RYR3: variants seen among roughly 807,000 people sequenced by gnomAD.
The protein encoded by RYR3 is ryanodine receptor 3.
Under a neutral mutation model 584.3 loss-of-function variants are expected in RYR3, and 207 were observed. The observed-to-expected ratio is 0.35, with a 90% CI of 0.32 to 0.40. The LOEUF is 0.40. RYR3 is among the 10% of genes least tolerant of loss of function. The pLI is 1.00. For missense variants in RYR3, 5,616 were observed against 6,089.2 expected (o/e 0.92, Z 2.59); for synonymous variants, 2,416 against 2,248.5 (o/e 1.07, Z -2.11).
chr15:33,491,921 G>T (rs925294660), intron 2 of RYR3, among the ~76,000 whole-genome samples: 3 of 152,156 alleles, frequency 2.0e-5, no homozygotes, highest in Non-Finnish European at 4.4e-5. Flanking sequence ...GGAAAGATTT[G>T]GGGAGAAGGA....
chr15:33,789,162 A>G (rs2074932401), intron 67 of RYR3, among the ~76,000 whole-genome samples: 1 of 151,338 alleles, frequency 6.6e-6, no homozygotes, highest in South Asian at 2.1e-4. Context: ...TAGCTGAAGC[A>G]GAGGGAGGGG....
chr15:33,591,714 C>A lies in RYR3; in HGVS notation c.1788+5598C>A, dbSNP rs118040752. Among the ~76,000 whole-genome samples the A allele has an allele frequency of 1.9e-3, 290 of 152,222 alleles. 2 individuals carry two copies. Among genetic ancestry groups the A allele is most frequent in the African/African-American group, 6.6e-3 (275 of 41,546 alleles). ...ATAGATAAATATTTTTTATTATCTT[C>A]TTTGTTTTGCAAGGATTTGGGTCTA... On this transcript the variant is annotated intron_variant, in intron 16 of 103. Transcript: ENST00000634891.
chr15:33,435,847 C>T (rs2045671080), intron 1 of RYR3, among the ~76,000 whole-genome samples: 1 of 152,208 alleles, frequency 6.6e-6, no homozygotes, highest in Non-Finnish European at 1.5e-5. Context: ...CAGAACAAAG[C>T]TTCCACAGCG....
Position 33,785,999 on chromosome 15 carries a change from C to T in RYR3, c.9589+17C>T. 1 of 1,518,462 alleles carries T rather than the reference C, an allele frequency of 6.6e-7. No individual in the cohort carries two copies. The highest frequency in any genetic ancestry group is 2.3e-5 in the East Asian group (1 of 43,794). 94.1% of individuals were successfully genotyped at this position (1,518,462 alleles called of 1,614,324 possible). A position where few individuals can be genotyped will look rare whatever the true frequency, so the allele number is the denominator to read the frequency against. On this transcript the variant is annotated intron_variant, in intron 66 of 103. Transcript: ENST00000634891. The stretch of plus-strand genomic sequence containing the variant: ...GCATTGCAGGTACCGACCCCTTTCT[C>T]CCCAGTCCCCAGCCCAGGGGCCAAG...
At chr15:33,613,440 CT>C in intron 19 of RYR3, 65 bp downstream of exon 19, 4 of 1,482,158 alleles carry the variant, frequency 2.7e-6, no homozygotes, top group Non-Finnish European at 3.6e-6. Context: ...CCACTGTGAG[CT>C]GCGAAGCCAG....
chr15:33,355,856 A>G (rs1479022153), intron 1 of RYR3, among the ~76,000 whole-genome samples: 1 of 152,222 alleles, frequency 6.6e-6, no homozygotes, highest in Admixed American at 6.5e-5. Flanking sequence ...GGTTCCCGCC[A>G]CACAATTCAG....
At position 33,845,095 on chromosome 15, in the gene RYR3, C is replaced by G. The variant is rs190544795; in HGVS notation, c.13497+33C>G. On this transcript the variant is annotated intron_variant, in intron 93 of 103. Transcript: ENST00000634891. ...GTTTGCCACTCTGGATCTAATCTCA[C>G]TCCTTGAGGAAGAAATGTCCTTTTT... 10 of 1,603,886 alleles carry G rather than the reference C, an allele frequency of 6.2e-6. No individual in the cohort carries two copies. In the East Asian group the frequency reaches 2.2e-4, roughly 36 times the overall value.
At chr15:33,687,812 A>T (rs1330655977) in intron 38 of RYR3, among the ~76,000 whole-genome samples, 2 of 152,284 alleles carry the variant, frequency 1.3e-5, no homozygotes, top group East Asian at 3.9e-4. Flanking sequence ...GGAAATGGGG[A>T]AAGGATTCCC....
intron 16 of RYR3, among the ~76,000 whole-genome samples, chr15:33,587,517 C>T (rs1330305244): frequency 1.3e-5 from 2 of 152,206 alleles, no homozygotes; most frequent in African/African-American, 4.8e-5. Context: ...GATTACTATT[C>T]TACCCATTCC....
At position 33,838,952 on chromosome 15, in the gene RYR3, A is replaced by G; in HGVS notation, c.12972A>G (p.Lys4324=). 6.2e-7 allele frequency: 1 copy of G among 1,604,364 alleles called. No homozygotes were observed. Among genetic ancestry groups the G allele is most frequent in the Non-Finnish European group, 8.5e-7 (1 of 1,176,206 alleles). Residue 4324 remains lysine (K), a synonymous_variant, in exon 89 of 104, where the codon AAA becomes AAG. Coordinates refer to ENST00000634891, the MANE Select transcript of RYR3 (RefSeq NM_001036.6). ...AGAGTACTGTACAGAAGAAGAGGAA[A>G]GCTCAGGTAAGTGTCATTTGTTTCT... ...TLESTVQKKR[K]AQAAEMKAAN...
chr15:33,570,074 T>A (rs1432128070), intron 12 of RYR3, among the ~76,000 whole-genome samples: 3 of 152,134 alleles, frequency 2.0e-5, no homozygotes, highest in African/African-American at 7.2e-5. Flanking sequence ...CACAAACGTT[T>A]TAATTTTTGA....
intron 93 of RYR3, among the ~76,000 whole-genome samples, chr15:33,847,786 CTTCTCA>C (rs1257063331): frequency 2.0e-5 from 3 of 152,220 alleles, no homozygotes; most frequent in Non-Finnish European, 4.4e-5. Flanking sequence ...AAGACTGAAT[CTTCTCA>C]TTCTAACTAT....
At chr15:33,414,643 C>T (rs1249200087) in intron 1 of RYR3, among the ~76,000 whole-genome samples, 1 of 152,112 alleles carries the variant, frequency 6.6e-6, no homozygotes, top group Non-Finnish European at 1.5e-5. Context: ...CTCGCTCTGT[C>T]GCCCAGGCTG....
chr15:33,511,717 T>C (rs948473297), intron 3 of RYR3, among the ~76,000 whole-genome samples: 1 of 152,202 alleles, frequency 6.6e-6, no homozygotes, highest in Non-Finnish European at 1.5e-5. Context: ...GCTCTCCAAT[T>C]AGAATGACTT....
At chr15:33,573,121 C>CTCTT (rs1444780803) in intron 12 of RYR3, among the ~76,000 whole-genome samples, 1 of 86,576 alleles carries the variant, frequency 1.2e-5, no homozygotes, top group African/African-American at 3.0e-5. Context: ...ATTTACTGAG[C>CTCTT]TCTTTATTCA....
At chr15:33,346,894 G>A (rs1030706425) in intron 1 of RYR3, among the ~76,000 whole-genome samples, 4 of 152,124 alleles carry the variant, frequency 2.6e-5, no homozygotes, top group Non-Finnish European at 4.4e-5. Context: ...CTTGAGGCCA[G>A]GAGTTCGAGA....
intron 57 of RYR3, among the ~76,000 whole-genome samples, chr15:33,752,143 T>C (rs1470714833): frequency 1.3e-5 from 2 of 152,206 alleles, no homozygotes; most frequent in Admixed American, 1.3e-4. Context: ...CCTTGTAGTA[T>C]AGTTTGAAGT....
chr15:33,498,944 G>C (rs953776238), intron 2 of RYR3, among the ~76,000 whole-genome samples: 5 of 152,116 alleles, frequency 3.3e-5, no homozygotes, highest in African/African-American at 9.7e-5. Flanking sequence ...TCTTTCCCCA[G>C]GGTATGTTCT....
chr15:33,541,324 A>G lies in RYR3; in HGVS notation c.646+434A>G, dbSNP rs2055797954. Among the ~76,000 whole-genome samples the G allele has an allele frequency of 3.9e-5, 6 of 152,208 alleles. 1 individual carries two copies. In the Middle Eastern group the frequency reaches 0.02, roughly 518 times the overall value. ...TCCATGCAGGCGAAGCACTTACTCT[A>G]TTATAAAAGTGTTTGGTCATTTGTT... is the stretch of plus-strand genomic sequence containing the variant. On this transcript the variant is annotated intron_variant, in intron 7 of 103. Transcript: ENST00000634891.
Sources: gnomAD v4.1 joint callset for allele counts (sites outside exome capture counted in the v4.1 genomes callset) on GRCh38, gnomAD v4.1.1 for gene constraint, MANE v1.5 for transcripts, NCBI Gene and HGNC (gene_info 2026-07-23, HGNC 2026-07-21) for gene names.